Variants in MATN2 observed in about 807,000 individuals in gnomAD.
The protein encoded by MATN2 is matrilin-2.
In MATN2, 69 loss-of-function variants were observed where a neutral mutation model predicts 103.2. That is an observed-to-expected ratio of 0.67 (90% CI 0.55 to 0.82). MATN2 has a LOEUF of 0.82. MATN2 is among the 40% of genes least tolerant of loss of function. The pLI, the probability that MATN2 is intolerant of heterozygous loss-of-function variation, is 0.00. For missense variants in MATN2, 1,023 were observed against 1,211.5 expected (o/e 0.84, Z 2.31); for synonymous variants, 429 against 450.2 (o/e 0.95, Z 0.60).
intron 6 of MATN2, among the ~76,000 whole-genome samples, chr8:97,980,558 CTTTTTTTTTT>C (rs71570278): frequency 3.2e-5 from 3 of 94,094 alleles, no homozygotes; most frequent in Non-Finnish European, 5.9e-5. Flanking sequence ...TTATTCTTTC[CTTTTTTTTTT>C]TTTTTTTTTT....
At chr8:97,939,019 G>GCCA (rs1810468783) in intron 3 of MATN2, among the ~76,000 whole-genome samples, 1 of 151,822 alleles carries the variant, frequency 6.6e-6, no homozygotes, top group African/African-American at 2.4e-5. Flanking sequence ...ACAGGCACCT[G>GCCA]CCACCATTCC....
intron 2 of MATN2, among the ~76,000 whole-genome samples, chr8:97,892,130 C>A (rs1003700920): frequency 6.6e-6 from 1 of 151,230 alleles, no homozygotes; most frequent in Non-Finnish European, 1.5e-5. Context: ...CCAGCTACTC[C>A]GGAGGCTGAG....
In MATN2 at chr8:98,033,773, CAG is replaced by C. The variant is rs763003327; in HGVS notation, c.2815+115_2815+116del. 45 of 742,684 alleles carry C rather than the reference CAG, an allele frequency of 6.1e-5. No homozygotes were observed. The East Asian group carries it at 1.2e-3, about 21-fold the overall frequency. 46.0% of individuals were successfully genotyped at this position (742,684 alleles called of 1,614,324 possible). The stretch of plus-strand genomic sequence containing the variant: ...GTAAATCCCACGAAGTCACAAAGAA[CAG>C]TGATCTCCAGGAAAGGCTTTTTGCT... On this transcript the variant is annotated intron_variant, in intron 18 of 18. Coordinates refer to ENST00000254898, the MANE Select transcript of MATN2 (RefSeq NM_002380.5).
At chr8:98,023,575 G>A (rs538701030) in intron 13 of MATN2, among the ~76,000 whole-genome samples, 1 of 152,272 alleles carries the variant, frequency 6.6e-6, no homozygotes, top group African/African-American at 2.4e-5. Flanking sequence ...GGAGGCTGAG[G>A]TGGGAGGATC....
chr8:97,983,018 GA>G (rs1282751303), intron 6 of MATN2, among the ~76,000 whole-genome samples: 1 of 151,850 alleles, frequency 6.6e-6, no homozygotes, highest in Non-Finnish European at 1.5e-5. Context: ...ACCCCAAACT[GA>G]AACGCTGTAC....
intron 1 of MATN2, among the ~76,000 whole-genome samples, chr8:97,887,663 T>C (rs72675231): frequency 0.036 from 5,447 of 152,288 alleles, 127 homozygotes; most frequent in South Asian, 0.071. Flanking sequence ...TATAAACTAA[T>C]TGATGCCATC....
At chr8:97,905,545 T>C (rs1351599724) in intron 2 of MATN2, among the ~76,000 whole-genome samples, 1 of 152,240 alleles carries the variant, frequency 6.6e-6, no homozygotes, top group African/African-American at 2.4e-5. Context: ...TGTTGTAGCA[T>C]GTATCAGAAC....
intron 6 of MATN2, among the ~76,000 whole-genome samples, chr8:97,985,907 A>G (rs956597990): frequency 4.6e-5 from 7 of 151,884 alleles, no homozygotes; most frequent in African/African-American, 1.7e-4. Context: ...ATTTCTCTCC[A>G]GTCTTTTTTT....
At chr8:97,941,619 C>G (rs569537547) in intron 3 of MATN2, among the ~76,000 whole-genome samples, 158 bp from the exon 4 acceptor site, 28 of 152,306 alleles carry the variant, frequency 1.8e-4, no homozygotes, top group Non-Finnish European at 2.9e-4. Context: ...CTGTCTTGTC[C>G]ACCTTGGACT....
At chr8:98,002,416 T>C (rs1227236221) in intron 7 of MATN2, among the ~76,000 whole-genome samples, 1 of 152,250 alleles carries the variant, frequency 6.6e-6, no homozygotes, top group Non-Finnish European at 1.5e-5. Flanking sequence ...AATAGCTGGA[T>C]ATTTTGCAAG....
Position 97,931,212 on chromosome 8 carries a change from C to A in MATN2, c.402C>A (p.Thr134=), listed in dbSNP as rs781471020. 1 of 1,613,476 alleles carries A rather than the reference C, an allele frequency of 6.2e-7. No homozygotes were observed. Among genetic ancestry groups the A allele is most frequent in the South Asian group, 1.1e-5 (1 of 91,056 alleles). The stretch of plus-strand genomic sequence containing the variant: ...GGATGCGGCATCTGTCCACGGGCAC[C>A]ATGACTGGGCTGGCCATCCAGTATG... ...VKRMRHLSTG[T]MTGLAIQYAL... Residue 134 remains threonine, a synonymous_variant, in exon 3 of 19, where the codon ACC becomes ACA. Coordinates refer to ENST00000254898, the MANE Select transcript of MATN2 (RefSeq NM_002380.5). This position sits in a 1 kb window ranked among gnomAD's most constrained non-coding sequence, Gnocchi z 4.1.
At position 97,960,145 on chromosome 8, in the gene MATN2, C is replaced by T. The variant is rs370386326; in HGVS notation, c.836-1263C>T. Among the ~76,000 whole-genome samples the T allele has an allele frequency of 3.2e-4, 49 of 152,202 alleles. 1 individual carries two copies. The East Asian group carries it at 5.6e-3, about 17-fold the overall frequency. On this transcript the variant is annotated intron_variant, in intron 4 of 18. Coordinates refer to ENST00000254898, the MANE Select transcript of MATN2 (RefSeq NM_002380.5). ...CTAATTTTTGTATTTTTAGTAGAGA[C>T]GGGGTTTCACCATGTTGGTCAGGCT...
chr8:97,878,449 G>T (rs990776334), intron 1 of MATN2, among the ~76,000 whole-genome samples: 1 of 151,848 alleles, frequency 6.6e-6, no homozygotes, highest in Non-Finnish European at 1.5e-5. Flanking sequence ...TACTGGGGAG[G>T]CTGAGGCAGG....
At chr8:97,939,177 G>A (rs142308914) in intron 3 of MATN2, among the ~76,000 whole-genome samples, 9 of 152,040 alleles carry the variant, frequency 5.9e-5, no homozygotes, top group African/African-American at 9.6e-5. Context: ...ATGCCTGGCC[G>A]AAAACATCGT....
At chr8:97,911,649 G>A (rs1809444732) in intron 2 of MATN2, among the ~76,000 whole-genome samples, 1 of 151,686 alleles carries the variant, frequency 6.6e-6, no homozygotes, top group African/African-American at 2.4e-5. Flanking sequence ...AGAGGTTGTA[G>A]TGAGCCGAGA....
intron 2 of MATN2, among the ~76,000 whole-genome samples, chr8:97,905,879 T>G (rs1420592201): frequency 6.6e-6 from 1 of 152,140 alleles, no homozygotes; most frequent in Non-Finnish European, 1.5e-5. Context: ...CAGGCTGGTC[T>G]TGAACTCCTG....
intron 10 of MATN2, among the ~76,000 whole-genome samples, chr8:98,015,748 C>T (rs1372039729): frequency 2.0e-5 from 3 of 152,180 alleles, no homozygotes; most frequent in Non-Finnish European, 4.4e-5. Flanking sequence ...CTGTTTTCCA[C>T]GCATCCCTCT....
At chr8:97,955,556 C>T (rs1377906542) in intron 4 of MATN2, among the ~76,000 whole-genome samples, 2 of 152,146 alleles carry the variant, frequency 1.3e-5, no homozygotes, top group African/African-American at 4.8e-5. Flanking sequence ...CCATTTCTGC[C>T]CAGTGACATT....
At chr8:98,015,693 C>T (rs1057208117) in intron 10 of MATN2, among the ~76,000 whole-genome samples, 1 of 152,218 alleles carries the variant, frequency 6.6e-6, no homozygotes, top group African/African-American at 2.4e-5. Flanking sequence ...CTATCCTGCT[C>T]TTCCTCCATA....
Sources: allele counts gnomAD v4.1 joint callset (sites outside exome capture counted in the v4.1 genomes callset), GRCh38; gene constraint gnomAD v4.1.1; non-coding constraint Gnocchi (gnomAD v3.1); transcripts MANE v1.5; gene names NCBI Gene and HGNC (gene_info 2026-07-23, HGNC 2026-07-21).